Variants in DOCK9 observed in about 807,000 individuals in gnomAD.
The protein encoded by DOCK9 is dedicator of cytokinesis protein 9.
DOCK9 carries 89 observed loss-of-function variants against 263.3 expected under a neutral mutation model. The ratio of observed to expected loss-of-function variants is 0.34; its 90% CI spans 0.28 to 0.40. The LOEUF (loss-of-function observed/expected upper bound fraction) is 0.40. DOCK9 is among the 10% of genes least tolerant of loss of function. DOCK9 has a pLI of 1.00. For missense variants in DOCK9, 2,140 were observed against 2,603.4 expected, an observed-to-expected ratio of 0.82 and a Z score of 3.87; for synonymous variants, 976 against 973.1, an observed-to-expected ratio of 1.00 and a Z score of -0.06.
rs1594804315 is a variant in DOCK9 at position 98,867,464 on chromosome 13, G to T, written c.3247C>A (p.Pro1083Thr). 6.2e-7 allele frequency: 1 copy of T among 1,611,824 alleles called. No individual in the cohort carries two copies. The highest frequency in any genetic ancestry group is 8.5e-7 in the Non-Finnish European group (1 of 1,178,796). The part of the protein sequence containing the change: ...NHEHYIPLNL[P>T]MPFGKGRIQR... ...ATCCTGCCTTTTCCAAATGGCATTG[G>T]TAAGTTCAACGGAATATAATGTTCA... Residue 1083 changes from proline to threonine, a missense_variant, in exon 30 of 53, where the codon CCA (proline) becomes ACA (threonine). Pro to Thr is a conservative substitution (Grantham distance 38). Coordinates refer to ENST00000682017, the MANE Select transcript of DOCK9 (RefSeq NM_001366683.2).
At chr13:99,024,746 A>G (rs2142025410) in intron 1 of DOCK9, among the ~76,000 whole-genome samples, 1 of 152,366 alleles carries the variant, frequency 6.6e-6, no homozygotes, top group African/African-American at 2.4e-5. Context: ...GAGATTTTCA[A>G]TTAGATTAAT....
intron 30 of DOCK9, among the ~76,000 whole-genome samples, chr13:98,864,319 T>C (rs1454881035): frequency 6.6e-6 from 1 of 152,168 alleles, no homozygotes; most frequent in Non-Finnish European, 1.5e-5. Flanking sequence ...GAACTCTACT[T>C]AGGAAGGGTA....
intron 49 of DOCK9, among the ~76,000 whole-genome samples, chr13:98,801,545 GGAGTT>G (rs1441121484): frequency 6.6e-6 from 1 of 151,926 alleles, no homozygotes; most frequent in African/African-American, 2.4e-5. Flanking sequence ...TCAACACAAA[GGAGTT>G]AATTTAAAAA....
At chr13:98,909,758 A>G (rs1566936930) in intron 9 of DOCK9, among the ~76,000 whole-genome samples, 1 of 152,148 alleles carries the variant, frequency 6.6e-6, no homozygotes, top group Non-Finnish European at 1.5e-5. Context: ...GAAAGCACTT[A>G]TTATAGACTT....
At chr13:98,989,340 G>GATA (rs1333284731) in intron 1 of DOCK9, among the ~76,000 whole-genome samples, 9 of 127,756 alleles carry the variant, frequency 7.0e-5, no homozygotes, top group African/African-American at 2.1e-4. Context: ...TGATGATGAT[G>GATA]ATGATGATAA....
intron 1 of DOCK9, among the ~76,000 whole-genome samples, chr13:99,045,909 G>A (rs367724225): frequency 4.0e-5 from 6 of 150,240 alleles, no homozygotes; most frequent in Admixed American, 6.6e-5. Flanking sequence ...TGGCTAACAC[G>A]GTGAATCCCC....
In DOCK9 at chr13:98,901,813, C is replaced by T. The variant is rs755263905; in HGVS notation, c.1468G>A (p.Ala490Thr). The stretch of plus-strand genomic sequence containing the variant: ...TCTGAACTTTTCATATATGGCTCAG[C>T]GCAATGTGTGATGCTCCCCTGAAGG... ...KVLQGSITHC[A>T]EPYMKSSDSS... The change falls in exon 13 of 53, where the codon GCT (alanine) becomes ACT (threonine). Residue 490 changes from alanine to threonine, a missense_variant. Around this residue, in one of 2 missense-constraint regions of DOCK9, gnomAD observed 1,521 missense variants for 1,741.7 expected, o/e 0.87. Coordinates refer to ENST00000682017, the MANE Select transcript of DOCK9 (RefSeq NM_001366683.2). 25 of 1,612,542 alleles carry T rather than the reference C, an allele frequency of 1.6e-5. No individual in the cohort carries two copies. Among genetic ancestry groups the T allele is most frequent in the Admixed American group, 3.3e-5 (2 of 59,856 alleles).
intron 1 of DOCK9, among the ~76,000 whole-genome samples, chr13:98,970,098 A>T (rs2059587381): frequency 6.6e-6 from 1 of 152,070 alleles, no homozygotes; most frequent in Non-Finnish European, 1.5e-5. Flanking sequence ...GGGCTCAAGC[A>T]ATCTTCCCGC....
chr13:98,860,206 C>G (rs903985196), intron 33 of DOCK9, 199 bp downstream of exon 33: 22 of 1,422,422 alleles, frequency 1.5e-5, no homozygotes, highest in Non-Finnish European at 1.7e-5. Context: ...TGAGGAGTCA[C>G]AGGCATCCGG....
chr13:98,925,451 A>G (rs182043769), intron 4 of DOCK9, among the ~76,000 whole-genome samples: 54 of 152,316 alleles, frequency 3.5e-4, no homozygotes, highest in African/African-American at 1.2e-3. Flanking sequence ...AATTTATTCA[A>G]TGTAAAATGC....
intron 2 of DOCK9, among the ~76,000 whole-genome samples, chr13:98,943,030 C>A: frequency 6.6e-6 from 1 of 152,238 alleles, no homozygotes; most frequent in East Asian, 1.9e-4. Context: ...GGAAGACATA[C>A]TCCCTACTGT....
At chr13:98,865,995 G>A (rs768067388) in intron 30 of DOCK9, among the ~76,000 whole-genome samples, 1 of 151,480 alleles carries the variant, frequency 6.6e-6, no homozygotes, top group Non-Finnish European at 1.5e-5. Flanking sequence ...ACAGAGGTGG[G>A]GGGCCAGGGT....
At position 98,863,025 on chromosome 13, in the gene DOCK9, C is replaced by T. The variant is rs202187662; in HGVS notation, c.3573G>A (p.Ala1191=). The change falls in exon 32 of 53, where the codon GCG becomes GCA. Residue 1191 remains alanine, a synonymous_variant. Coordinates refer to ENST00000682017, the MANE Select transcript of DOCK9 (RefSeq NM_001366683.2). ...TGTGACCATGCTTACGTACCATGCC[C>T]GCGTTCACAGGGAAGGGTGACACAT... is the stretch of plus-strand genomic sequence containing the variant. ...VRDVSPFPVN[A]GMTVKDESLA... 3,829 of 1,604,648 alleles carry T rather than the reference C, an allele frequency of 2.4e-3. 122 individuals carry two copies. In the South Asian group the frequency reaches 0.04, roughly 17 times the overall value.
chr13:99,016,413 A>T (rs1476841473), intron 1 of DOCK9, among the ~76,000 whole-genome samples: 1 of 152,168 alleles, frequency 6.6e-6, no homozygotes, highest in Non-Finnish European at 1.5e-5. Context: ...GCTTAAAAGG[A>T]TTCTCCCGTC....
At chr13:98,903,250 T>C in intron 10 of DOCK9, 138 bp from the exon 11 acceptor site, 1 of 699,548 alleles carries the variant, frequency 1.4e-6, no homozygotes, top group South Asian at 2.9e-5. Context: ...TGCTATTATA[T>C]AATCGGTTTC....
intron 1 of DOCK9, among the ~76,000 whole-genome samples, chr13:98,972,246 G>C (rs1261819370): frequency 1.3e-5 from 2 of 152,206 alleles, no homozygotes; most frequent in Non-Finnish European, 2.9e-5. Context: ...TCCTGGCACA[G>C]AGCAGGGAAC....
rs78299892 is a variant in DOCK9 at position 99,012,443 on chromosome 13, G to T, written c.130-56892C>A. Among the ~76,000 whole-genome samples, 1,151 of 152,248 alleles carry T rather than the reference G, an allele frequency of 7.6e-3. 9 individuals are homozygous for T. Among genetic ancestry groups the T allele is most frequent in the Middle Eastern group, 0.017 (5 of 294 alleles). ...TACATTCCCTCCACAAAGGCTTGGT[G>T]CACACTGAGTAGCTGAAGTAGGGGT... On this transcript the variant is annotated intron_variant, in intron 1 of 32. Coordinates refer to the DOCK9 transcript ENST00000427887.
intron 1 of DOCK9, among the ~76,000 whole-genome samples, chr13:98,956,619 C>T (rs1434844708): frequency 3.9e-5 from 6 of 152,028 alleles, no homozygotes; most frequent in African/African-American, 9.7e-5. Flanking sequence ...TGGTGGCATA[C>T]GCTTGTAATC....
At position 98,825,903 on chromosome 13, in the gene DOCK9, G is replaced by A. The variant is rs764558049; in HGVS notation, c.5023+927C>T. Reference sequence around the variant, plus strand: ...GGCTCCTCCTCAGGCAGGCGCTATGGCTGTGGGGGAGAAGGGGCGGCTCCC... The same window carrying A: ...GGCTCCTCCTCAGGCAGGCGCTATGACTGTGGGGGAGAAGGGGCGGCTCCC... On this transcript the variant is annotated intron_variant, in intron 44 of 52. Transcript: ENST00000682017. The surrounding 1 kb of genome is among the most constrained non-coding windows in gnomAD (Gnocchi z 4.1). The A allele has an allele frequency of 2.6e-6, 4 of 1,555,048 alleles. No homozygotes were observed. The South Asian group carries it at 5.0e-5, about 19-fold the overall frequency.
Sources: gnomAD v4.1 joint callset for allele counts (sites outside exome capture counted in the v4.1 genomes callset) on GRCh38, gnomAD v4.1.1 for gene constraint, gnomAD v4.1.1 regional missense constraint, Gnocchi (gnomAD v3.1) non-coding constraint, MANE v1.5 for transcripts, NCBI Gene and HGNC (gene_info 2026-07-23, HGNC 2026-07-21) for gene names.